The following PCDH11X variants were observed in gnomAD, a reference collection of about 807,000 sequenced individuals.
PCDH11X encodes protocadherin-11 X-linked.
Under a neutral mutation model 53.3 loss-of-function variants are expected in PCDH11X, and 18 were observed. That is an observed-to-expected ratio of 0.34 (90% CI 0.23 to 0.50). The LOEUF (loss-of-function observed/expected upper bound fraction) is 0.50, where lower values mean the gene tolerates loss of function less well. Ranked by LOEUF, PCDH11X falls within the 20% of genes least tolerant of loss-of-function variation. The pLI is 0.98. For synonymous variants in PCDH11X, 279 were observed against 393.3 expected (o/e 0.71, Z 3.44); for missense variants, 570 against 1,032.4 (o/e 0.55, Z 6.14).
rs775747495 is a variant in PCDH11X at position 92,311,799 on chromosome X, A to G, written c.3144+48656A>G. ...CAGTTTTATAATTTTAACATGGGAC[A>G]TTCTATGATTTTATATTAAATGGAA... On this transcript the variant is annotated intron_variant, in intron 8 of 10. Coordinates refer to ENST00000682573, the MANE Select transcript of PCDH11X (RefSeq NM_032968.5). Among the ~76,000 whole-genome samples the G allele has an allele frequency of 1.3e-4, 14 of 111,230 alleles. No individual in the cohort carries two copies. The South Asian group carries it at 4.5e-3, about 36-fold the overall frequency.
chrX:92,259,929 C>T (rs73245239), intron 7 of PCDH11X, among the ~76,000 whole-genome samples: 1 of 111,325 alleles, frequency 9.0e-6, no homozygotes, highest in African/African-American at 3.3e-5. Flanking sequence ...ACAGCTGTGA[C>T]AGTTGCCGTG....
intron 10 of PCDH11X, among the ~76,000 whole-genome samples, chrX:92,615,218 G>A (rs1293044784): frequency 9.0e-6 from 1 of 110,642 alleles, no homozygotes; most frequent in Non-Finnish European, 1.9e-5. Flanking sequence ...CAAACACCTG[G>A]AGATCTGTTT....
intron 10 of PCDH11X, among the ~76,000 whole-genome samples, chrX:92,533,323 GA>G (rs35525142): frequency 2.9e-4 from 31 of 106,729 alleles, no homozygotes; most frequent in African/African-American, 6.8e-4. Context: ...GGACAAACTA[GA>G]AAAAAAAAAT....
At chrX:92,430,218 T>C (rs2072220926) in intron 9 of PCDH11X, among the ~76,000 whole-genome samples, 1 of 92,841 alleles carries the variant, frequency 1.1e-5, no homozygotes, top group African/African-American at 3.7e-5. Flanking sequence ...TTTTTATCTG[T>C]AGGATGGAGA....
At chrX:92,506,216 C>CTTTTTTCTTTTT (rs2074055575) in intron 10 of PCDH11X, among the ~76,000 whole-genome samples, 9 of 40,201 alleles carry the variant, frequency 2.2e-4, no homozygotes, top group Admixed American at 4.1e-4. Flanking sequence ...CTTTTCTTTT[C>CTTTTTTCTTTTT]TTTTTTTTTT....
At chrX:92,359,043 G>T (rs1472089303) in intron 8 of PCDH11X, among the ~76,000 whole-genome samples, 1 of 109,243 alleles carries the variant, frequency 9.2e-6, no homozygotes, top group Non-Finnish European at 1.9e-5. Context: ...ATTGAGTGGC[G>T]GTTCCTCATG....
chrX:92,253,677 G>A (rs1569442422), intron 7 of PCDH11X, among the ~76,000 whole-genome samples: 2 of 111,187 alleles, frequency 1.8e-5, no homozygotes, highest in South Asian at 3.7e-4. Flanking sequence ...GTTAATTTCT[G>A]GATTTTTGTT....
chrX:92,614,023 C>T (rs1176578561), intron 10 of PCDH11X, among the ~76,000 whole-genome samples: 1 of 110,510 alleles, frequency 9.0e-6, no homozygotes, highest in African/African-American at 3.3e-5. Flanking sequence ...AGATGTTTAT[C>T]TCTTTCTTTA....
intron 6 of PCDH11X, among the ~76,000 whole-genome samples, chrX:92,198,447 A>G (rs1603159695): frequency 2.9e-5 from 3 of 103,992 alleles, no homozygotes; most frequent in South Asian, 4.3e-4. Flanking sequence ...TCACAAAACC[A>G]CAAAACCAGT....
intron 6 of PCDH11X, among the ~76,000 whole-genome samples, chrX:91,887,547 G>C (rs974650098): frequency 1.8e-5 from 2 of 111,772 alleles, no homozygotes; most frequent in Non-Finnish European, 3.8e-5. Flanking sequence ...TTGTACATGT[G>C]ATACACATTT....
intron 9 of PCDH11X, among the ~76,000 whole-genome samples, chrX:92,437,721 C>T (rs6652294): frequency 2.2e-3 from 241 of 110,868 alleles, no homozygotes; most frequent in Non-Finnish European, 3.8e-3. Context: ...AGAACTTTTC[C>T]TAGGTGCTGT....
chrX:92,269,328 A>T (rs941701692), intron 8 of PCDH11X, among the ~76,000 whole-genome samples: 1 of 112,068 alleles, frequency 8.9e-6, no homozygotes, highest in Non-Finnish European at 1.9e-5. Context: ...TAGAAAAATT[A>T]AAAAATCAAA....
At chrX:92,609,176 T>C (rs1266026678) in intron 10 of PCDH11X, among the ~76,000 whole-genome samples, 3 of 112,085 alleles carry the variant, frequency 2.7e-5, no homozygotes. Context: ...TACCTTTTGG[T>C]GATTATTAAT....
intron 9 of PCDH11X, among the ~76,000 whole-genome samples, chrX:92,411,898 G>GGAGTGGGA (rs2071659431): frequency 1.2e-5 from 1 of 81,305 alleles, no homozygotes; most frequent in Non-Finnish European, 2.3e-5. Context: ...AAGAAGAAGA[G>GGAGTGGGA]GGAAGAGGAG....
At chrX:92,511,485 A>T (rs906856730) in intron 10 of PCDH11X, among the ~76,000 whole-genome samples, 1 of 112,173 alleles carries the variant, frequency 8.9e-6, no homozygotes, top group Non-Finnish European at 1.9e-5. Context: ...CTGTGAAACT[A>T]TATAATGCAA....
At chrX:92,209,524 A>G (rs1311592940) in intron 7 of PCDH11X, among the ~76,000 whole-genome samples, 2 of 112,479 alleles carry the variant, frequency 1.8e-5, no homozygotes, top group African/African-American at 6.5e-5. Flanking sequence ...ATGGGCTCCC[A>G]AGTCCTTGGG....
At chrX:92,175,955 A>G (rs957144632) in intron 6 of PCDH11X, among the ~76,000 whole-genome samples, 1 of 110,047 alleles carries the variant, frequency 9.1e-6, no homozygotes, top group Non-Finnish European at 1.9e-5. Context: ...AAATATTGCA[A>G]TTTTTCCATT....
intron 6 of PCDH11X, among the ~76,000 whole-genome samples, chrX:91,970,231 A>T (rs1263043172): frequency 9.0e-6 from 1 of 111,393 alleles, no homozygotes; most frequent in Non-Finnish European, 1.9e-5. Context: ...GTGAAAGAAC[A>T]AAGCTTCCAC....
intron 6 of PCDH11X, among the ~76,000 whole-genome samples, chrX:92,091,096 T>C: frequency 9.0e-6 from 1 of 111,610 alleles, no homozygotes; most frequent in Non-Finnish European, 1.9e-5. Flanking sequence ...TGATCAGCAC[T>C]TGAATAAATT....
Sources: gnomAD v4.1 joint callset for allele counts (sites outside exome capture counted in the v4.1 genomes callset) on GRCh38, gnomAD v4.1.1 for gene constraint, MANE v1.5 for transcripts, NCBI Gene and HGNC (gene_info 2026-07-23, HGNC 2026-07-21) for gene names.